Variants in PBX3 observed in about 807,000 individuals in gnomAD.
The protein encoded by PBX3 is pre-B-cell leukemia transcription factor 3.
Under a neutral mutation model 48.5 loss-of-function variants are expected in PBX3, and 14 were observed. That is an observed-to-expected ratio of 0.29 (90% CI 0.19 to 0.45). PBX3 has a LOEUF of 0.45. PBX3 is among the 20% of genes least tolerant of loss of function. The probability of loss-of-function intolerance (pLI) is 1.00; values close to 1 mark genes in which losing one functional copy is unlikely to be tolerated. For missense variants in PBX3, 386 were observed against 546.7 expected (o/e 0.71, Z 2.93); for synonymous variants, 210 against 200.3 (o/e 1.05, Z -0.41).
chr9:125,840,201 G>A (rs1339852747), intron 2 of PBX3, among the ~76,000 whole-genome samples: 1 of 152,026 alleles, frequency 6.6e-6, no homozygotes, highest in African/African-American at 2.4e-5. Context: ...TTTTTCTGTA[G>A]ATGGAAACAA....
chr9:125,871,722 T>G (rs1479820098), intron 2 of PBX3, among the ~76,000 whole-genome samples: 1 of 152,340 alleles, frequency 6.6e-6, no homozygotes, highest in East Asian at 1.9e-4. Flanking sequence ...TATATTGGGT[T>G]AATTAAATAT....
intron 2 of PBX3, among the ~76,000 whole-genome samples, chr9:125,788,351 C>T (rs1837510904): frequency 6.6e-6 from 1 of 152,124 alleles, no homozygotes; most frequent in Non-Finnish European, 1.5e-5. Flanking sequence ...ATATAGTGTG[C>T]TCAATGTTAC....
chr9:125,758,642 C>T (rs935743415), intron 2 of PBX3, among the ~76,000 whole-genome samples: 1 of 152,130 alleles, frequency 6.6e-6, no homozygotes, highest in Non-Finnish European at 1.5e-5. Flanking sequence ...TGTAGAATTT[C>T]TAAACCTCTT....
intron 2 of PBX3, among the ~76,000 whole-genome samples, chr9:125,854,255 C>T (rs1377055285): frequency 6.6e-6 from 1 of 152,084 alleles, no homozygotes; most frequent in Non-Finnish European, 1.5e-5. Flanking sequence ...CCTCAGCCTC[C>T]CTAGTAGCTG....
chr9:125,876,802 C>CTTTTT (rs59596389), intron 2 of PBX3, among the ~76,000 whole-genome samples: 9 of 128,946 alleles, frequency 7.0e-5, no homozygotes, highest in East Asian at 4.4e-4. Flanking sequence ...TTCTTTCTTT[C>CTTTTT]TTTTTTTTTT....
chr9:125,803,091 C>CTTTTTTTT (rs59714151), intron 2 of PBX3, among the ~76,000 whole-genome samples: 6 of 108,902 alleles, frequency 5.5e-5, no homozygotes, highest in East Asian at 2.7e-4. Flanking sequence ...CCACTAATGT[C>CTTTTTTTT]TTTTTTTTTT....
chr9:125,868,712 G>C (rs964615034), intron 2 of PBX3, among the ~76,000 whole-genome samples: 2 of 152,196 alleles, frequency 1.3e-5, no homozygotes, highest in African/African-American at 2.4e-5. Context: ...ATGGCCCCAG[G>C]TGAGACAGAC....
intron 2 of PBX3, among the ~76,000 whole-genome samples, chr9:125,826,065 G>T (rs1394254054): frequency 6.6e-6 from 1 of 152,194 alleles, no homozygotes; most frequent in Admixed American, 6.5e-5. Flanking sequence ...TATTTAACTA[G>T]TTCCAGAAGT....
At position 125,747,566 on chromosome 9, in the gene PBX3, A is replaced by G. The variant is rs1409941554; in HGVS notation, c.113A>G (p.Asp38Gly). The G allele has an allele frequency of 8.7e-6, 14 of 1,606,370 alleles. No individual in the cohort carries two copies. The highest frequency in any genetic ancestry group is 1.7e-4 in the Middle Eastern group (1 of 6,040). ...CCCCCGCACGGCCACGAAGGGGCGGACGGCGACGGCAGGAAGCAGGACATC... is the reference window on the plus strand; with the variant it reads ...CCCCCGCACGGCCACGAAGGGGCGGGCGGCGACGGCAGGAAGCAGGACATC... The part of the protein sequence containing the change: ...PPPPHGHEGA[D>G]GDGRKQDIGD... The change falls in exon 1 of 9, where the codon GAC (aspartate) becomes GGC (glycine). Residue 38 changes from aspartate (D) to glycine (G), a missense_variant. By Grantham distance (94) the Asp-to-Gly change is moderately conservative. Transcript: ENST00000373489.
In PBX3 at chr9:125,763,609, A is replaced by G. The variant is rs111526611; in HGVS notation, c.274+14986A>G. On this transcript the variant is annotated intron_variant, in intron 2 of 8. Coordinates refer to ENST00000373489, the MANE Select transcript of PBX3 (RefSeq NM_006195.6). ...GATTCACCCTGTCTCTGCTCAGTGT[A>G]GGGAAACTGGTAACAACTGGTGGTG... Among the ~76,000 whole-genome samples the G allele has an allele frequency of 4.5e-3, 679 of 152,348 alleles. 3 individuals are homozygous for G. Among genetic ancestry groups the G allele is most frequent in the Non-Finnish European group, 8.1e-3 (551 of 68,032 alleles).
At chr9:125,784,593 A>T (rs570385156) in intron 2 of PBX3, among the ~76,000 whole-genome samples, 2 of 152,206 alleles carry the variant, frequency 1.3e-5, no homozygotes, top group Admixed American at 6.5e-5. Flanking sequence ...TGTAAAGTTG[A>T]TGTTTGTCAT....
chr9:125,879,630 A>G (rs1438610582), intron 2 of PBX3, among the ~76,000 whole-genome samples: 1 of 77,728 alleles, frequency 1.3e-5, no homozygotes, highest in African/African-American at 3.0e-5. Flanking sequence ...TATTAGAAGA[A>G]TAAATGCCAT....
chr9:125,934,349 A>G (rs982579020), intron 4 of PBX3, among the ~76,000 whole-genome samples: 6 of 152,202 alleles, frequency 3.9e-5, no homozygotes, highest in African/African-American at 1.4e-4. Context: ...TGACTGTGGG[A>G]TATCACAATT....
chr9:125,792,926 C>T lies in PBX3; in HGVS notation c.274+44303C>T, dbSNP rs373737951. Among the ~76,000 whole-genome samples, 22 of 151,972 alleles carry T rather than the reference C, an allele frequency of 1.4e-4. 1 individual carries two copies. In the South Asian group the frequency reaches 2.9e-3, roughly 20 times the overall value. Reference sequence around the variant, plus strand: ...TATTGGACAGGCTGGTCTTGAACTCCTGACCTTGTGATCCACCTGCTTTGG... The same window carrying T: ...TATTGGACAGGCTGGTCTTGAACTCTTGACCTTGTGATCCACCTGCTTTGG... On this transcript the variant is annotated intron_variant, in intron 2 of 8. Transcript: ENST00000373489.
At chr9:125,773,061 G>A (rs1421250211) in intron 2 of PBX3, among the ~76,000 whole-genome samples, 1 of 152,142 alleles carries the variant, frequency 6.6e-6, no homozygotes, top group African/African-American at 2.4e-5. Context: ...TATGGTCTTT[G>A]TTCTATACTT....
intron 2 of PBX3, among the ~76,000 whole-genome samples, chr9:125,833,752 A>G (rs1839037132): frequency 6.6e-6 from 1 of 152,196 alleles, no homozygotes; most frequent in East Asian, 1.9e-4. Flanking sequence ...TTGAAGCTAA[A>G]AAGTTTTAGG....
chr9:125,804,990 C>T (rs1166521727), intron 2 of PBX3, among the ~76,000 whole-genome samples: 8 of 139,144 alleles, frequency 5.7e-5, no homozygotes, highest in African/African-American at 1.3e-4. Flanking sequence ...AGGAAGAAGA[C>T]AGATAAGCTT....
rs142066103 is a variant in PBX3 at position 125,937,431 on chromosome 9, A to ATT, written c.843+1833_843+1834dup. ...GAAAAATAGCTTTATTATGTTTTGA[A>ATT]TTTTTTTTTTAGCAATTGCTGAGAA... is the stretch of plus-strand genomic sequence containing the variant. On this transcript the variant is annotated intron_variant, in intron 5 of 8. Transcript: ENST00000373489. Among the ~76,000 whole-genome samples the ATT allele has an allele frequency of 1.4e-3, 214 of 150,254 alleles. 2 individuals are homozygous for ATT. The highest frequency in any genetic ancestry group is 4.9e-3 in the African/African-American group (201 of 41,094).
chr9:125,826,596 GA>G (rs1838814679), intron 2 of PBX3, among the ~76,000 whole-genome samples: 1 of 151,666 alleles, frequency 6.6e-6, no homozygotes, highest in African/African-American at 2.4e-5. Flanking sequence ...TTTTTTCTTT[GA>G]AAATATATGC....
Sources: allele counts gnomAD v4.1 joint callset (sites outside exome capture counted in the v4.1 genomes callset), GRCh38; gene constraint gnomAD v4.1.1; transcripts MANE v1.5; gene names NCBI Gene and HGNC (gene_info 2026-07-23, HGNC 2026-07-21).